C1QTNF5: variants seen among roughly 807,000 people sequenced by gnomAD.
The protein encoded by C1QTNF5 is complement C1q tumor necrosis factor-related protein 5.
C1QTNF5 carries 5 observed loss-of-function variants against 10.9 expected under a neutral mutation model. The observed-to-expected ratio is 0.46, with a 90% confidence interval of 0.24 to 0.97. C1QTNF5 has a LOEUF of 0.97. Among genes scored for constraint, C1QTNF5 ranks in the 50% least tolerant of loss-of-function variants. The pLI, the probability that C1QTNF5 is intolerant of heterozygous loss-of-function variation, is 0.19. For synonymous variants in C1QTNF5, 161 were observed against 156.5 expected, an observed-to-expected ratio of 1.03 and a Z score of -0.22; for missense variants, 281 against 339.4, an observed-to-expected ratio of 0.83 and a Z score of 1.35.
rs747148839 is a variant in C1QTNF5, at chr11:119,339,856, G to A, written c.215-8C>T. 3.4e-6 allele frequency: 5 copies of A among 1,467,254 alleles called. No homozygotes were observed. The Admixed American group carries it at 1.3e-4, about 37-fold the overall frequency. The allele number at this position is 1,467,254 out of a possible 1,614,324, so 90.9% of individuals were successfully genotyped here. A position where few individuals can be genotyped will look rare whatever the true frequency, so the allele number is the denominator to read the frequency against. ...CTCGAGGTCCCGGCAGTCCTGCGGG[G>A]TAAGCGGGGCGGCAGGGTGAGAGTA... On this transcript the variant is annotated splice_region_variant and splice_polypyrimidine_tract_variant and intron_variant, in intron 2 of 2. Coordinates refer to ENST00000528368, the MANE Select transcript of C1QTNF5 (RefSeq NM_001278431.2). The surrounding 1 kb of genome is among the most constrained non-coding windows in gnomAD (Gnocchi z 5.4).
At position 119,339,084 on chromosome 11, in the gene C1QTNF5, T is replaced by TA. The variant is rs1409624737; in HGVS notation, c.*246dup. The TA allele has an allele frequency of 2.0e-5, 10 of 493,676 alleles. No homozygotes were observed. The highest frequency in any genetic ancestry group is 3.2e-5 in the Non-Finnish European group (9 of 279,328). The allele number at this position is 493,676 out of a possible 1,614,324, so 30.6% of individuals were successfully genotyped here. ...CCTGGACCAGAGCAACTGGGGGACT[T>TA]ACACTTGCCAGCACAGCACACTCCT... On this transcript the variant is annotated 3_prime_UTR_variant, in exon 3 of 3. Transcript: ENST00000528368. This position sits in a 1 kb window ranked among gnomAD's most constrained non-coding sequence, Gnocchi z 5.4.
At chr11:119,341,556 G>C (rs1348472435), upstream of C1QTNF5, 1 of 1,612,366 alleles carries the variant, frequency 6.2e-7, no homozygotes, top group Non-Finnish European at 8.5e-7. Flanking sequence ...GGTCAGGGCT[G>C]GGCACAAGCT....
In C1QTNF5 at chr11:119,339,479, G is replaced by GC. The variant is rs369839371; in HGVS notation, c.583dup (p.Ala195GlyfsTer8). 5.4e-4 allele frequency: 872 copies of GC among 1,613,116 alleles called. 2 individuals carry two copies. Among genetic ancestry groups the GC allele is most frequent in the African/African-American group, 4.7e-3 (353 of 74,910 alleles). The stretch of plus-strand genomic sequence containing the variant: ...GTCCTCAGGCTCCAGCCTCACCATG[G>GC]CCCCCCCCGAGAGCGAGGCTGGCTT... On this transcript the variant is annotated frameshift_variant, in exon 3 of 3. Transcript: ENST00000528368. LOFTEE classifies it high-confidence loss of function. This position sits in a 1 kb window ranked among gnomAD's most constrained non-coding sequence, Gnocchi z 5.4.
chr11:119,346,331 G>A, the C1QTNF5 span: 1 of 1,614,054 alleles, frequency 6.2e-7, no homozygotes, highest in Non-Finnish European at 8.5e-7. Flanking sequence ...GGGAGGGCAG[G>A]GTGGCCCAGA....
chr11:119,344,421 T>C, upstream of C1QTNF5: 2 of 1,604,506 alleles, frequency 1.2e-6, no homozygotes, highest in East Asian at 4.5e-5. Context: ...CTCATGAGTT[T>C]GCTAGGATCT....
At chr11:119,343,026 C>G (rs184550939), upstream of C1QTNF5, 651 of 1,585,696 alleles carry the variant, frequency 4.1e-4, 1 homozygote, top group African/African-American at 7.5e-3. Context: ...GACAGCTGTT[C>G]TGGGCACCAG....
intron 1 of C1QTNF5, 58 bp downstream of exon 1, chr11:119,340,637 C>T: frequency 1.8e-6 from 1 of 546,618 alleles, no homozygotes; most frequent in South Asian, 2.2e-5. Context: ...CGCCGGCCCG[C>T]GCCAGCCTTT....
upstream of C1QTNF5, among the ~76,000 whole-genome samples, chr11:119,343,224 G>T (rs750359243): frequency 4.6e-5 from 7 of 152,230 alleles, no homozygotes; most frequent in South Asian, 8.3e-4. Flanking sequence ...AAAAATCAGC[G>T]AAGCAGCCTG....
At chr11:119,341,332 C>CA (rs1405210060), upstream of C1QTNF5, 8 of 591,382 alleles carry the variant, frequency 1.4e-5, no homozygotes, top group Non-Finnish European at 2.1e-5. Context: ...AGTGTGGGGC[C>CA]AGTCAGCAGC....
the C1QTNF5 span, chr11:119,346,004 T>C: frequency 6.2e-6 from 10 of 1,612,874 alleles, no homozygotes; most frequent in Non-Finnish European, 8.5e-6. Context: ...TCATGGAGTT[T>C]CATTCCAAAG....
upstream of C1QTNF5, chr11:119,341,487 C>A (rs752071088): frequency 2.2e-6 from 3 of 1,394,812 alleles, no homozygotes; most frequent in South Asian, 1.2e-5. Flanking sequence ...TGTTCCCCTG[C>A]GTGCCAGCCC....
upstream of C1QTNF5, chr11:119,345,921 C>G: frequency 6.2e-7 from 1 of 1,613,728 alleles, no homozygotes. Context: ...GGGGTGCAGC[C>G]TGCAGCTCTG....
In C1QTNF5 at chr11:119,339,224, T is replaced by A; in HGVS notation, c.*107A>T. ...CGGAGAGTGCTCTACCCCACCTCCC[T>A]AGTCATTCACAATATTCCAGGGGGG... On this transcript the variant is annotated 3_prime_UTR_variant, in exon 3 of 3. Coordinates refer to ENST00000528368, the MANE Select transcript of C1QTNF5 (RefSeq NM_001278431.2). This position sits in a 1 kb window ranked among gnomAD's most constrained non-coding sequence, Gnocchi z 5.4. 2 of 1,289,826 alleles carry A rather than the reference T, an allele frequency of 1.6e-6. No individual in the cohort carries two copies. Among genetic ancestry groups the A allele is most frequent in the Non-Finnish European group, 2.2e-6 (2 of 929,334 alleles). 79.9% of individuals were successfully genotyped at this position (1,289,826 alleles called of 1,614,324 possible).
upstream of C1QTNF5, chr11:119,344,275 G>T (rs377451435): frequency 2.5e-6 from 4 of 1,579,760 alleles, no homozygotes; most frequent in African/African-American, 2.7e-5. Flanking sequence ...AGGTGCTTCC[G>T]TGTGTGCCCC....
Position 119,340,262 on chromosome 11 carries a change from A to T in C1QTNF5, c.136T>A (p.Leu46Met), listed in dbSNP as rs773366542. 1 of 1,520,022 alleles carries T rather than the reference A, an allele frequency of 6.6e-7. No individual in the cohort carries two copies. The highest frequency in any genetic ancestry group is 1.2e-5 in the South Asian group (1 of 81,010). The allele number at this position is 1,520,022 out of a possible 1,614,324, so 94.2% of individuals were successfully genotyped here. ...CCGTCGCGGCCATCGCGGCCCGGCA[A>T]GCCCTGGCTGCCATGGTGGCCCGGC... ...GTPGHHGSQG[L>M]PGRDGRDGRD... The change falls in exon 2 of 3, where the codon TTG becomes ATG. Residue 46 changes from leucine (L) to methionine (M), a missense_variant. Transcript: ENST00000528368.
Position 119,339,068 on chromosome 11 carries a change from G to C in C1QTNF5, c.*263C>G. 1 of 463,910 alleles carries C rather than the reference G, an allele frequency of 2.2e-6. No individual in the cohort carries two copies. Among genetic ancestry groups the C allele is most frequent in the Non-Finnish European group, 3.8e-6 (1 of 260,536 alleles). The allele number at this position is 463,910 out of a possible 1,614,324, so 28.7% of individuals were successfully genotyped here. A position where few individuals can be genotyped will look rare whatever the true frequency, so the allele number is the denominator to read the frequency against. On this transcript the variant is annotated 3_prime_UTR_variant, in exon 3 of 3. Transcript: ENST00000528368. The surrounding 1 kb of genome is among the most constrained non-coding windows in gnomAD (Gnocchi z 5.4). ...CACCCCACCGTGGGCTCCTGGACCAGAGCAACTGGGGGACTTACACTTGCC... is the reference window on the plus strand; with the variant it reads ...CACCCCACCGTGGGCTCCTGGACCACAGCAACTGGGGGACTTACACTTGCC...
At chr11:119,345,399 C>A, upstream of C1QTNF5, 1 of 1,612,026 alleles carries the variant, frequency 6.2e-7, no homozygotes, top group Non-Finnish European at 8.5e-7. Context: ...GGTGGGATGT[C>A]CTGGGGACAG....
chr11:119,344,648 G>A (rs750849760), upstream of C1QTNF5: 2 of 1,614,092 alleles, frequency 1.2e-6, no homozygotes, highest in South Asian at 1.1e-5. Flanking sequence ...ACTTGGCACT[G>A]CAATTGGTCT....
chr11:119,339,928 C>A lies in C1QTNF5; in HGVS notation c.215-80G>T. The A allele has an allele frequency of 7.1e-7, 1 of 1,402,114 alleles. No homozygotes were observed. Among genetic ancestry groups the A allele is most frequent in the Non-Finnish European group, 9.3e-7 (1 of 1,079,682 alleles). The allele number at this position is 1,402,114 out of a possible 1,614,324, so 86.9% of individuals were successfully genotyped here. A position where few individuals can be genotyped will look rare whatever the true frequency, so the allele number is the denominator to read the frequency against. The stretch of plus-strand genomic sequence containing the variant: ...GGGCGGCGACTCTAAGGTCACCGTA[C>A]CCCTCCCCGCCCCTGCCTGAGCTTC... On this transcript the variant is annotated intron_variant, in intron 2 of 2. Transcript: ENST00000528368. The surrounding 1 kb of genome is among the most constrained non-coding windows in gnomAD (Gnocchi z 5.4).
Sources: allele counts gnomAD v4.1 joint callset (sites outside exome capture counted in the v4.1 genomes callset), GRCh38; gene constraint gnomAD v4.1.1; non-coding constraint Gnocchi (gnomAD v3.1); transcripts MANE v1.5; gene names NCBI Gene and HGNC (gene_info 2026-07-23, HGNC 2026-07-21).